DIAPH3: variants seen among roughly 807,000 people sequenced by gnomAD.
The protein encoded by DIAPH3 is diaphanous related formin 3.
Under a neutral mutation model 144.3 loss-of-function variants are expected in DIAPH3, and 117 were observed. That is an observed-to-expected ratio of 0.81 (90% CI 0.70 to 0.95). The LOEUF (loss-of-function observed/expected upper bound fraction) is 0.95. Among genes scored for constraint, DIAPH3 ranks in the 40% least tolerant of loss-of-function variants. The pLI is 0.00. For synonymous variants in DIAPH3, 519 were observed against 488.9 expected (o/e 1.06, Z -0.81); for missense variants, 1,421 against 1,412.7 (o/e 1.01, Z -0.09).
chr13:59,798,679 T>C (rs1480778270), intron 25 of DIAPH3, among the ~76,000 whole-genome samples: 1 of 152,202 alleles, frequency 6.6e-6, no homozygotes, highest in Non-Finnish European at 1.5e-5. Context: ...AGGATCATTC[T>C]TAGTACAGGA....
chr13:59,870,331 AT>A (rs929282408), intron 21 of DIAPH3, among the ~76,000 whole-genome samples: 3 of 151,384 alleles, frequency 2.0e-5, no homozygotes, highest in Non-Finnish European at 2.9e-5. Flanking sequence ...AATTATTTTT[AT>A]TTTTTTTCCC....
At chr13:59,967,844 G>A (rs575602390) in intron 17 of DIAPH3, among the ~76,000 whole-genome samples, 60 of 152,036 alleles carry the variant, frequency 3.9e-4, no homozygotes, top group Admixed American at 7.2e-4. Context: ...AGCAGGGCTC[G>A]GAGTCACAAC....
At chr13:59,916,079 G>T in intron 19 of DIAPH3, 76 bp downstream of exon 19, 2 of 1,249,084 alleles carry the variant, frequency 1.6e-6, no homozygotes, top group Non-Finnish European at 2.3e-6. Flanking sequence ...GAAGAATTTT[G>T]CTTCACTTAC....
intron 4 of DIAPH3, among the ~76,000 whole-genome samples, chr13:60,049,009 G>A (rs2056211929): frequency 6.6e-6 from 1 of 152,164 alleles, no homozygotes; most frequent in South Asian, 2.1e-4. Flanking sequence ...ATTCTTAATA[G>A]TTAAAATCTG....
At chr13:59,846,276 T>C (rs896072550) in intron 22 of DIAPH3, among the ~76,000 whole-genome samples, 4 of 152,102 alleles carry the variant, frequency 2.6e-5, no homozygotes, top group Non-Finnish European at 5.9e-5. Flanking sequence ...CCTGGAGGTG[T>C]TGGTCATTAT....
intron 27 of DIAPH3, among the ~76,000 whole-genome samples, chr13:59,732,934 C>T (rs1038711180): frequency 2.6e-5 from 4 of 152,124 alleles, no homozygotes; most frequent in Non-Finnish European, 5.9e-5. Flanking sequence ...AAATAGAATA[C>T]ATCACCTGTA....
intron 3 of DIAPH3, among the ~76,000 whole-genome samples, chr13:60,098,079 T>TG (rs1243538248): frequency 6.6e-6 from 1 of 152,062 alleles, no homozygotes; most frequent in African/African-American, 2.4e-5. Context: ...TGAAGGTCAG[T>TG]GGGGGAGAAG....
intron 21 of DIAPH3, among the ~76,000 whole-genome samples, chr13:59,873,755 C>T (rs973017988): frequency 4.0e-5 from 6 of 150,784 alleles, no homozygotes; most frequent in African/African-American, 1.2e-4. Context: ...CAACCTCCGC[C>T]TCCCGGGTTC....
chr13:59,798,197 T>C (rs908018960), intron 25 of DIAPH3, among the ~76,000 whole-genome samples: 2 of 152,200 alleles, frequency 1.3e-5, no homozygotes, highest in Admixed American at 6.5e-5. Context: ...ATTTATCTCT[T>C]GCAAAATTGC....
At chr13:59,897,620 C>A (rs947226321) in intron 20 of DIAPH3, among the ~76,000 whole-genome samples, 5 of 151,202 alleles carry the variant, frequency 3.3e-5, no homozygotes, top group African/African-American at 1.2e-4. Context: ...TGGTGGCGTG[C>A]ACCTGTAATT....
chr13:59,751,940 C>G (rs1416199640), intron 27 of DIAPH3, among the ~76,000 whole-genome samples: 1 of 152,192 alleles, frequency 6.6e-6, no homozygotes, highest in African/African-American at 2.4e-5. Flanking sequence ...TGGATCTGAT[C>G]CAGTAACACT....
chr13:60,033,169 C>G (rs765505799), intron 5 of DIAPH3, among the ~76,000 whole-genome samples: 105 of 152,336 alleles, frequency 6.9e-4, no homozygotes, highest in Middle Eastern at 3.4e-3. Flanking sequence ...ATATTACTAT[C>G]AGCATTTTGG....
intron 5 of DIAPH3, among the ~76,000 whole-genome samples, chr13:60,033,870 C>A (rs17057537): frequency 6.6e-6 from 1 of 152,080 alleles, no homozygotes; most frequent in African/African-American, 2.4e-5. Context: ...ATCTAATTGA[C>A]GGAGTTTTAC....
chr13:59,738,641 T>C (rs916848370), intron 27 of DIAPH3, among the ~76,000 whole-genome samples: 8 of 152,074 alleles, frequency 5.3e-5, no homozygotes, highest in African/African-American at 1.7e-4. Flanking sequence ...CCTCAACTGA[T>C]GAAAACCTAT....
intron 27 of DIAPH3, among the ~76,000 whole-genome samples, chr13:59,673,142 C>T (rs568790389): frequency 6.6e-6 from 1 of 152,268 alleles, no homozygotes; most frequent in East Asian, 1.9e-4. Context: ...ATAGGTTCAG[C>T]CTCTAAAGAG....
At chr13:60,005,666 A>C (rs1309971947) in intron 9 of DIAPH3, among the ~76,000 whole-genome samples, 4 of 152,050 alleles carry the variant, frequency 2.6e-5, no homozygotes, top group Non-Finnish European at 5.9e-5. Context: ...TATTTTTAGT[A>C]GAGACGGGGT....
chr13:60,101,535 T>TA (rs201150745), intron 3 of DIAPH3, among the ~76,000 whole-genome samples: 8 of 151,976 alleles, frequency 5.3e-5, no homozygotes, highest in African/African-American at 1.7e-4. Flanking sequence ...TTTTTTTTTT[T>TA]AGCTCATCAG....
At chr13:59,825,070 G>A (rs961430250) in intron 24 of DIAPH3, among the ~76,000 whole-genome samples, 5 of 151,790 alleles carry the variant, frequency 3.3e-5, no homozygotes, top group South Asian at 2.1e-4. Flanking sequence ...AAGTTTTAGG[G>A]TACATGTGCA....
intron 27 of DIAPH3, among the ~76,000 whole-genome samples, chr13:59,697,269 C>T (rs2033853906): frequency 6.6e-6 from 1 of 151,288 alleles, no homozygotes; most frequent in Admixed American, 6.6e-5. Context: ...ACCATCCTCG[C>T]TAACACGGTG....
Sources: gnomAD v4.1 joint callset for allele counts (sites outside exome capture counted in the v4.1 genomes callset) on GRCh38, gnomAD v4.1.1 for gene constraint, MANE v1.5 for transcripts, NCBI Gene and HGNC (gene_info 2026-07-23, HGNC 2026-07-21) for gene names.